The following FBXO41 variants were observed in gnomAD, a reference collection of about 807,000 sequenced individuals.
FBXO41 encodes F-box only protein 41.
FBXO41 carries 33 observed loss-of-function variants against 81.6 expected under a neutral mutation model. The ratio of observed to expected loss-of-function variants is 0.40; its 90% CI spans 0.31 to 0.54. FBXO41 has a LOEUF of 0.54. Among genes scored for constraint, FBXO41 ranks in the 20% least tolerant of loss-of-function variants. FBXO41 has a pLI of 0.39. For missense variants in FBXO41, 1,107 were observed against 1,236.0 expected (o/e 0.90, Z 1.56); for synonymous variants, 576 against 552.7 (o/e 1.04, Z -0.59).
rs1427548271 is a variant in FBXO41 at position 73,266,017 on chromosome 2, G to A, written c.1132-51C>T. 2.0e-6 allele frequency: 3 copies of A among 1,500,202 alleles called. No homozygotes were observed. The highest frequency in any genetic ancestry group is 2.8e-5 in the African/African-American group (2 of 72,020). The allele number at this position is 1,500,202 out of a possible 1,614,324, so 92.9% of individuals were successfully genotyped here. A position where few individuals can be genotyped will look rare whatever the true frequency, so the allele number is the denominator to read the frequency against. The stretch of plus-strand genomic sequence containing the variant: ...AAGGAGAGGGGCGGAGGAGGCAAGA[G>A]GATGAGCAGGAATAGCAGGGGAAAC... On this transcript the variant is annotated intron_variant, in intron 3 of 12. Transcript: ENST00000520530. This position sits in a 1 kb window ranked among gnomAD's most constrained non-coding sequence, Gnocchi z 5.3.
chr2:73,269,759 G>C lies in FBXO41; in HGVS notation c.-129C>G, dbSNP rs977157309. ...AAGGCTCAGGGCGCCCGCGGCCTGG[G>C]GCGAGGAGGCTGGAAGAGACGCGAT... is the stretch of plus-strand genomic sequence containing the variant. On this transcript the variant is annotated 5_prime_UTR_variant, in exon 2 of 13. Coordinates refer to ENST00000520530, the MANE Select transcript of FBXO41 (RefSeq NM_001371389.2). The surrounding 1 kb of genome is among the most constrained non-coding windows in gnomAD (Gnocchi z 7.0). 4 of 466,584 alleles carry C rather than the reference G, an allele frequency of 8.6e-6. No homozygotes were observed. Among genetic ancestry groups the C allele is most frequent in the African/African-American group, 8.4e-5 (4 of 47,546 alleles). 28.9% of individuals were successfully genotyped at this position (466,584 alleles called of 1,614,324 possible).
chr2:73,263,172 C>A, intron 9 of FBXO41, 41 bp downstream of exon 9: 1 of 1,515,962 alleles, frequency 6.6e-7, no homozygotes, highest in Non-Finnish European at 9.0e-7. Context: ...CCAGGCCCAA[C>A]CGTGTCCCCC....
rs1227246390 is a variant in FBXO41 at position 73,258,830 on chromosome 2, CAGG to C, written c.*149_*151del. The C allele has an allele frequency of 5.4e-5, 46 of 844,240 alleles. No homozygotes were observed. The South Asian group carries it at 7.4e-4, about 14-fold the overall frequency. 52.3% of individuals were successfully genotyped at this position (844,240 alleles called of 1,614,324 possible). A position where few individuals can be genotyped will look rare whatever the true frequency, so the allele number is the denominator to read the frequency against. ...GGTCAGGCCTGTTGCTCTGCTGCTC[CAGG>C]AGGAGGACAGGAGACTTGACAGTCC... On this transcript the variant is annotated 3_prime_UTR_variant, in exon 13 of 13. Coordinates refer to ENST00000520530, the MANE Select transcript of FBXO41 (RefSeq NM_001371389.2).
intron 9 of FBXO41, among the ~76,000 whole-genome samples, chr2:73,261,913 G>C (rs1034333630): frequency 6.6e-6 from 1 of 152,182 alleles, no homozygotes. Flanking sequence ...GGAGGAGATA[G>C]AAATATAAAG....
At chr2:73,263,566 G>A in intron 8 of FBXO41, 112 bp downstream of exon 8, 1 of 1,374,638 alleles carries the variant, frequency 7.3e-7, no homozygotes, top group Non-Finnish European at 9.9e-7. Context: ...CAGCCATAGA[G>A]CTCTTGGATC....
intron 1 of FBXO41, among the ~76,000 whole-genome samples, chr2:73,280,167 T>C (rs904979212): frequency 6.7e-6 from 1 of 149,014 alleles, no homozygotes; most frequent in Non-Finnish European, 1.5e-5. Context: ...ATCTCAGAAT[T>C]CTCAGTCCCC....
chr2:73,270,986 T>C, intron 1 of FBXO41: 1 of 525,988 alleles, frequency 1.9e-6, no homozygotes, highest in Non-Finnish European at 3.9e-6. Flanking sequence ...TGCCATGAGC[T>C]TTCCTGTCTG....
rs879431027 is a variant in FBXO41, at chr2:73,265,551, G to A, written c.1295C>T (p.Pro432Leu). Residue 432 changes from proline to leucine, a missense_variant, in exon 5 of 13, where the codon CCT becomes CTT. Around this residue, in one of 2 missense-constraint regions of FBXO41, gnomAD observed 771 missense variants for 789.2 expected, o/e 0.98. Coordinates refer to ENST00000520530, the MANE Select transcript of FBXO41 (RefSeq NM_001371389.2). ...CAAGCCCCCAGGGCCACTGTCCTCA[G>A]GGGCCCCCTCCTCTGGCCTGGGCAG... ...LELPRPEEGA[P>L]EDSGPGGLGT... 3.8e-6 allele frequency: 6 copies of A among 1,585,530 alleles called. No individual in the cohort carries two copies. Among genetic ancestry groups the A allele is most frequent in the Non-Finnish European group, 5.1e-6 (6 of 1,167,192 alleles).
chr2:73,273,647 T>C (rs184232610), intron 1 of FBXO41, among the ~76,000 whole-genome samples: 5 of 152,350 alleles, frequency 3.3e-5, no homozygotes, highest in African/African-American at 1.2e-4. Flanking sequence ...CTGGAGCCTC[T>C]TGTGGCCATT....
At chr2:73,273,970 A>C (rs1481771703) in intron 1 of FBXO41, among the ~76,000 whole-genome samples, 1 of 152,024 alleles carries the variant, frequency 6.6e-6, no homozygotes, top group Non-Finnish European at 1.5e-5. Context: ...AACCATCAAG[A>C]CCTACTGGTT....
rs1039811394 is a variant in FBXO41 at position 73,263,264 on chromosome 2, C to G, written c.2120G>C (p.Gly707Ala). 6 of 1,554,674 alleles carry G rather than the reference C, an allele frequency of 3.9e-6. No individual in the cohort carries two copies. The highest frequency in any genetic ancestry group is 5.2e-6 in the Non-Finnish European group (6 of 1,149,236). The change falls in exon 9 of 13, where the codon GGC becomes GCC. Residue 707 changes from glycine (G) to alanine (A), a missense_variant. Gly to Ala is a moderately conservative substitution (Grantham distance 60, BLOSUM62 0). Coordinates refer to ENST00000520530, the MANE Select transcript of FBXO41 (RefSeq NM_001371389.2). ...PVGHEVIWAL[G>A]AGCREIVSLQ... ...GGAGACGATCTCTCTGCAGCCTGCG[C>G]CCAGGGCCCAAATGACCTCATGGCC... is the stretch of plus-strand genomic sequence containing the variant.
rs1486802426 is a variant in FBXO41, at chr2:73,263,763, T to C, written c.1990A>G (p.Ile664Val). Residue 664 changes from isoleucine to valine, a missense_variant, in exon 8 of 13, where the codon ATC (isoleucine) becomes GTC (valine). Physicochemically the swap from Ile to Val is conservative, Grantham distance 29. Around this residue, in one of 2 missense-constraint regions of FBXO41, gnomAD observed 336 missense variants for 446.7 expected, o/e 0.75. Transcript: ENST00000520530. ...AAGGNLLILR[I>V]SHCPNILTDR... ...GTGAGGATGTTTGGACAGTGGGAGA[T>C]GCGCAGGATCAGCAGGTTCCCCCCA... 1 of 1,613,842 alleles carries C rather than the reference T, an allele frequency of 6.2e-7. No homozygotes were observed. Among genetic ancestry groups the C allele is most frequent in the Non-Finnish European group, 8.5e-7 (1 of 1,179,886 alleles).
chr2:73,275,683 C>T (rs1688662657), intron 1 of FBXO41, among the ~76,000 whole-genome samples: 1 of 152,182 alleles, frequency 6.6e-6, no homozygotes, highest in Non-Finnish European at 1.5e-5. Context: ...ACACTACTTC[C>T]CTGCGTCACA....
intron 9 of FBXO41, among the ~76,000 whole-genome samples, 156 bp downstream of exon 9, chr2:73,263,057 T>G (rs925254383): frequency 5.9e-5 from 9 of 152,156 alleles, no homozygotes; most frequent in Admixed American, 4.6e-4. Context: ...CCAGGTCTGA[T>G]TTTAAAGCCC....
Position 73,266,691 on chromosome 2 carries a change from A to G in FBXO41, c.906-9T>C, listed in dbSNP as rs115467261. 7.8e-3 allele frequency: 12,111 copies of G among 1,561,478 alleles called. 761 individuals carry two copies. The African/African-American group carries it at 0.14, about 19-fold the overall frequency. On this transcript the variant is annotated splice_polypyrimidine_tract_variant and intron_variant, in intron 2 of 12. Coordinates refer to ENST00000520530, the MANE Select transcript of FBXO41 (RefSeq NM_001371389.2). This position sits in a 1 kb window ranked among gnomAD's most constrained non-coding sequence, Gnocchi z 5.3. ...CGATCTGCACCACCTCCCTGGGCCC[A>G]GAGCAGTCTCTTACCCCAGAGCCTC...
At chr2:73,263,372 T>C (rs1688089396) in intron 8 of FBXO41, 64 bp from the exon 9 acceptor site, 4 of 1,303,120 alleles carry the variant, frequency 3.1e-6, no homozygotes, top group Non-Finnish European at 4.1e-6. Context: ...CCCAACACTT[T>C]GGGAGGTCAA....
Position 73,268,980 on chromosome 2 carries a change from C to T in FBXO41, c.651G>A (p.Arg217=), listed in dbSNP as rs1414227410. Residue 217 remains arginine, a synonymous_variant, in exon 2 of 13, where the codon CGG becomes CGA. Coordinates refer to ENST00000520530, the MANE Select transcript of FBXO41 (RefSeq NM_001371389.2). ...IRALEKLEVD[R]RLERLSEEVE... is the part of the protein sequence containing the mutation. Reference sequence around the variant, plus strand: ...CCTCCTCGCTCAGCCGCTCCAGCCGCCGGTCCACCTCCAGCTTCTCCAGCG... The same window carrying T: ...CCTCCTCGCTCAGCCGCTCCAGCCGTCGGTCCACCTCCAGCTTCTCCAGCG... 6.5e-7 allele frequency: 1 copy of T among 1,538,944 alleles called. No homozygotes were observed. The highest frequency in any genetic ancestry group is 1.2e-5 in the South Asian group (1 of 84,032).
rs1344730116 is a variant in FBXO41 at position 73,269,679 on chromosome 2, G to C, written c.-49C>G. On this transcript the variant is annotated 5_prime_UTR_variant, in exon 2 of 13. Coordinates refer to ENST00000520530, the MANE Select transcript of FBXO41 (RefSeq NM_001371389.2). This position sits in a 1 kb window ranked among gnomAD's most constrained non-coding sequence, Gnocchi z 7.0. ...CGGGCTCCACCGCGGCCGCCCCGCCGGTCAGCCGGGCGCGCTCATGGGGGA... is the reference window on the plus strand; with the variant it reads ...CGGGCTCCACCGCGGCCGCCCCGCCCGTCAGCCGGGCGCGCTCATGGGGGA... 8.8e-7 allele frequency: 1 copy of C among 1,131,684 alleles called. No homozygotes were observed. The highest frequency in any genetic ancestry group is 1.7e-5 in the African/African-American group (1 of 60,268). 70.1% of individuals were successfully genotyped at this position (1,131,684 alleles called of 1,614,324 possible). A position where few individuals can be genotyped will look rare whatever the true frequency, so the allele number is the denominator to read the frequency against.
At chr2:73,263,585 T>G in intron 8 of FBXO41, 93 bp downstream of exon 8, 2 of 1,512,258 alleles carry the variant, frequency 1.3e-6, no homozygotes, top group Non-Finnish European at 1.8e-6. Context: ...TCCCTTTGCT[T>G]GAGAACCCTG....
Sources: gnomAD v4.1 joint callset for allele counts (sites outside exome capture counted in the v4.1 genomes callset) on GRCh38, gnomAD v4.1.1 for gene constraint, gnomAD v4.1.1 regional missense constraint, Gnocchi (gnomAD v3.1) non-coding constraint, MANE v1.5 for transcripts, NCBI Gene and HGNC (gene_info 2026-07-23, HGNC 2026-07-21) for gene names.